CTNNA3: variants seen among roughly 807,000 people sequenced by gnomAD.
The protein encoded by CTNNA3 is catenin alpha 3.
In CTNNA3, 76 loss-of-function variants were observed where a neutral mutation model predicts 95.7. The ratio of observed to expected loss-of-function variants is 0.79; its 90% CI spans 0.66 to 0.96. CTNNA3 has a LOEUF of 0.96. Ranked by LOEUF, CTNNA3 falls within the 40% of genes least tolerant of loss-of-function variation. The pLI is 0.00. For synonymous variants in CTNNA3, 431 were observed against 374.4 expected (o/e 1.15, Z -1.74); for missense variants, 1,191 against 1,089.8 (o/e 1.09, Z -1.31).
At chr10:67,740,530 T>C (rs1191008461) in intron 1 of CTNNA3, among the ~76,000 whole-genome samples, 1 of 151,352 alleles carries the variant, frequency 6.6e-6, no homozygotes. Context: ...ACAGAAGACA[T>C]TTATGCGGCC....
chr10:66,635,462 G>A (rs1400095270), intron 9 of CTNNA3, among the ~76,000 whole-genome samples: 1 of 152,068 alleles, frequency 6.6e-6, no homozygotes, highest in Non-Finnish European at 1.5e-5. Context: ...GCAATTTTAT[G>A]ACCAGTGACC....
At chr10:66,391,609 T>G (rs1224483830) in intron 11 of CTNNA3, among the ~76,000 whole-genome samples, 1 of 152,142 alleles carries the variant, frequency 6.6e-6, no homozygotes, top group Non-Finnish European at 1.5e-5. Flanking sequence ...GATGACCATG[T>G]AAATGATTCT....
At chr10:66,547,714 A>G (rs1379640953) in intron 10 of CTNNA3, among the ~76,000 whole-genome samples, 2 of 152,022 alleles carry the variant, frequency 1.3e-5, no homozygotes, top group East Asian at 1.9e-4. Flanking sequence ...TTTGGTTGGT[A>G]TTGCATTAAA....
intron 6 of CTNNA3, among the ~76,000 whole-genome samples, chr10:67,200,586 G>A (rs1246151688): frequency 6.6e-6 from 1 of 152,062 alleles, no homozygotes; most frequent in African/African-American, 2.4e-5. Flanking sequence ...ATACCAGGAA[G>A]GCCAGGAATA....
intron 7 of CTNNA3, among the ~76,000 whole-genome samples, chr10:67,113,221 C>A (rs1372111841): frequency 6.6e-6 from 1 of 152,156 alleles, no homozygotes; most frequent in Non-Finnish European, 1.5e-5. Context: ...ACCAGAGATA[C>A]TATTCTTTAA....
chr10:66,766,926 T>C (rs1001628044), intron 8 of CTNNA3, among the ~76,000 whole-genome samples: 10 of 152,166 alleles, frequency 6.6e-5, no homozygotes, highest in Non-Finnish European at 1.5e-4. Context: ...GAATAATAAA[T>C]GAGTTTGATG....
intron 5 of CTNNA3, among the ~76,000 whole-genome samples, chr10:67,475,331 T>G (rs968985557): frequency 6.6e-6 from 1 of 152,226 alleles, no homozygotes; most frequent in Non-Finnish European, 1.5e-5. Flanking sequence ...CATATTTTTA[T>G]TGTGGTGGTA....
At chr10:67,213,110 C>A (rs749512945) in intron 6 of CTNNA3, among the ~76,000 whole-genome samples, 43 of 151,814 alleles carry the variant, frequency 2.8e-4, no homozygotes, top group Middle Eastern at 3.4e-3. Flanking sequence ...ACTACTAATT[C>A]TATTTAATTA....
At chr10:66,161,131 T>C (rs1250666607) in intron 13 of CTNNA3, among the ~76,000 whole-genome samples, 2 of 152,216 alleles carry the variant, frequency 1.3e-5, no homozygotes, top group African/African-American at 4.8e-5. Context: ...TCATGCATTC[T>C]GCAGTTCTGT....
intron 5 of CTNNA3, among the ~76,000 whole-genome samples, chr10:67,357,608 A>C (rs1842856799): frequency 1.3e-5 from 2 of 152,242 alleles, no homozygotes; most frequent in South Asian, 4.1e-4. Flanking sequence ...AATTCTTCTT[A>C]AGATAATTTA....
rs1407891294 is a variant in CTNNA3 at position 65,914,010 on chromosome 10, C to T, written c.*6320G>A. On this transcript the variant is annotated 3_prime_UTR_variant, in exon 18 of 18. Coordinates refer to ENST00000433211, the MANE Select transcript of CTNNA3 (RefSeq NM_013266.4). Reference sequence around the variant, plus strand: ...TAAATGTATAAGGAAGTGTCACAGACCTCCAACACCAAATAACCAGAACTA... The same window carrying T: ...TAAATGTATAAGGAAGTGTCACAGATCTCCAACACCAAATAACCAGAACTA... 1 of 152,082 alleles carries T rather than the reference C, an allele frequency of 6.6e-6. No homozygotes were observed. Among genetic ancestry groups the T allele is most frequent in the Non-Finnish European group, 1.5e-5 (1 of 68,004 alleles). 9.4% of individuals were successfully genotyped at this position (152,082 alleles called of 1,614,324 possible).
intron 11 of CTNNA3, among the ~76,000 whole-genome samples, chr10:66,515,537 C>T (rs1455039322): frequency 1.3e-5 from 2 of 152,030 alleles, no homozygotes; most frequent in East Asian, 3.9e-4. Flanking sequence ...ACATATCACT[C>T]TAAAAGATCA....
Position 66,140,606 on chromosome 10 carries a change from A to T in CTNNA3, c.1885-37357T>A, listed in dbSNP as rs575602843. Among the ~76,000 whole-genome samples the T allele has an allele frequency of 2.8e-4, 42 of 152,308 alleles. No individual in the cohort carries two copies. The South Asian group carries it at 7.5e-3, about 27-fold the overall frequency. On this transcript the variant is annotated intron_variant, in intron 13 of 17. Coordinates refer to ENST00000433211, the MANE Select transcript of CTNNA3 (RefSeq NM_013266.4). ...TTCTCTCCTAGCAATAAAATGACCTATTGTTTATTGGTCACTGTTGAACAA... is the reference window on the plus strand; with the variant it reads ...TTCTCTCCTAGCAATAAAATGACCTTTTGTTTATTGGTCACTGTTGAACAA...
intron 7 of CTNNA3, among the ~76,000 whole-genome samples, chr10:66,883,619 G>T (rs1476603745): frequency 6.6e-6 from 1 of 152,118 alleles, no homozygotes; most frequent in African/African-American, 2.4e-5. Flanking sequence ...GTTGATTAAA[G>T]TGAGTGTTAT....
At chr10:67,232,226 A>G (rs561700374) in intron 5 of CTNNA3, among the ~76,000 whole-genome samples, 1,550 of 152,282 alleles carry the variant, frequency 0.01, 15 homozygotes, top group African/African-American at 0.024. Context: ...CACCAAAGTT[A>G]AAATGAAGGA....
At chr10:66,447,707 T>G (rs553947419) in intron 11 of CTNNA3, among the ~76,000 whole-genome samples, 37 of 152,232 alleles carry the variant, frequency 2.4e-4, no homozygotes, top group African/African-American at 8.4e-4. Context: ...ATGTTAGACC[T>G]AAAACCATAA....
At chr10:66,979,350 C>A (rs1850279871) in intron 7 of CTNNA3, among the ~76,000 whole-genome samples, 3 of 152,046 alleles carry the variant, frequency 2.0e-5, no homozygotes, top group Non-Finnish European at 4.4e-5. Context: ...AAATAGTATT[C>A]AATTGAGTTT....
In CTNNA3 at chr10:66,504,927, C is replaced by T. The variant is rs1410063673; in HGVS notation, c.1531+15690G>A. 2.0e-5 allele frequency among the ~76,000 whole-genome samples: 3 copies of T among 152,140 alleles called. No individual in the cohort carries two copies. The East Asian group carries it at 5.8e-4, about 29-fold the overall frequency. On this transcript the variant is annotated intron_variant, in intron 11 of 17. Transcript: ENST00000433211. The stretch of plus-strand genomic sequence containing the variant: ...TCACAGCCTTTGTCAGTACATAGCA[C>T]ATGCATCTGAAGTATTTAGAAACTA...
chr10:66,611,069 G>A (rs1844312562), intron 10 of CTNNA3, among the ~76,000 whole-genome samples: 1 of 152,036 alleles, frequency 6.6e-6, no homozygotes, highest in Non-Finnish European at 1.5e-5. Flanking sequence ...GACAAATATT[G>A]CATGTTCTTA....
Sources: gnomAD v4.1 joint callset for allele counts (sites outside exome capture counted in the v4.1 genomes callset) on GRCh38, gnomAD v4.1.1 for gene constraint, MANE v1.5 for transcripts, NCBI Gene and HGNC (gene_info 2026-07-23, HGNC 2026-07-21) for gene names.